The following HIVEP2 variants were observed in gnomAD, a reference collection of about 807,000 sequenced individuals.
HIVEP2 encodes transcription factor HIVEP2.
In HIVEP2, 14 loss-of-function variants were observed where a neutral mutation model predicts 180.7. The ratio of observed to expected loss-of-function variants is 0.08; its 90% confidence interval spans 0.05 to 0.12. The LOEUF is 0.12. HIVEP2 is among the 10% of genes least tolerant of loss of function. The pLI is 1.00. For synonymous variants in HIVEP2, 1,184 were observed against 1,136.4 expected (o/e 1.04, Z -0.84); for missense variants, 2,579 against 3,008.5 (o/e 0.86, Z 3.34).
chr6:142,827,850 C>A (rs775518549), intron 2 of HIVEP2, among the ~76,000 whole-genome samples: 2 of 152,162 alleles, frequency 1.3e-5, no homozygotes, highest in African/African-American at 2.4e-5. Context: ...TAAGACCAAC[C>A]CAAGCATAAA....
intron 7 of HIVEP2, 120 bp from the exon 8 acceptor site, chr6:142,761,685 G>A: frequency 1.4e-6 from 1 of 701,746 alleles, no homozygotes; most frequent in East Asian, 2.6e-5. Flanking sequence ...ATGTAACACA[G>A]ATTTGTTTCT....
intron 1 of HIVEP2, among the ~76,000 whole-genome samples, chr6:142,853,575 C>G (rs1183565579): frequency 2.0e-5 from 3 of 152,270 alleles, no homozygotes; most frequent in Admixed American, 2.0e-4. Context: ...GTAATAAGAG[C>G]AACATAGAAC....
At chr6:142,940,115 A>G (rs1025099546) in intron 1 of HIVEP2, among the ~76,000 whole-genome samples, 5 of 152,222 alleles carry the variant, frequency 3.3e-5, no homozygotes, top group Non-Finnish European at 7.3e-5. Flanking sequence ...GTTTGAAAAT[A>G]TATAGATCTA....
At chr6:142,792,267 G>A (rs985369772) in intron 2 of HIVEP2, among the ~76,000 whole-genome samples, 3 of 152,098 alleles carry the variant, frequency 2.0e-5, no homozygotes, top group African/African-American at 7.2e-5. Context: ...GCCTGAAAAA[G>A]AATAAAGATT....
Position 142,753,305 on chromosome 6 carries a change from A to G in HIVEP2, c.7143T>C (p.Cys2381=). The change falls in exon 10 of 10, where the codon TGT becomes TGC. Residue 2381 remains cysteine, a synonymous_variant. Coordinates refer to ENST00000367603, the MANE Select transcript of HIVEP2 (RefSeq NM_006734.4). ...GCAAGTCAGGGTGGGTGGCTGAGGT[A>G]CAGGGCTGACCTGGCTCAGGTCTAC... is the stretch of plus-strand genomic sequence containing the variant. ...HFSRPEPGQP[C]TSATHPDLHD... is the part of the protein sequence containing the mutation. 6.2e-7 allele frequency: 1 copy of G among 1,614,186 alleles called. No homozygotes were observed. Among genetic ancestry groups the G allele is most frequent in the Non-Finnish European group, 8.5e-7 (1 of 1,180,034 alleles).
chr6:142,940,557 A>G (rs1013031558), intron 1 of HIVEP2, among the ~76,000 whole-genome samples: 1 of 152,162 alleles, frequency 6.6e-6, no homozygotes, highest in African/African-American at 2.4e-5. Context: ...AGGTTGGATA[A>G]TCATTCCTGT....
chr6:142,804,004 G>C (rs1011286793), intron 2 of HIVEP2, among the ~76,000 whole-genome samples: 7 of 152,114 alleles, frequency 4.6e-5, no homozygotes, highest in Non-Finnish European at 8.8e-5. Context: ...TTTATCACCT[G>C]TTTTCACAAT....
intron 1 of HIVEP2, among the ~76,000 whole-genome samples, chr6:142,867,769 C>G (rs950352027): frequency 6.6e-6 from 1 of 152,168 alleles, no homozygotes; most frequent in African/African-American, 2.4e-5. Flanking sequence ...CTTTCAGTAA[C>G]TAACGCATTA....
intron 1 of HIVEP2, among the ~76,000 whole-genome samples, chr6:142,853,729 A>G (rs1027287700): frequency 6.6e-6 from 1 of 152,232 alleles, no homozygotes; most frequent in African/African-American, 2.4e-5. Flanking sequence ...AAGAATAGCA[A>G]GACACAGATG....
At position 142,769,582 on chromosome 6, in the gene HIVEP2, T is replaced by C. The variant is rs759968960; in HGVS notation, c.5157A>G (p.Thr1719=). 1.2e-6 allele frequency: 2 copies of C among 1,614,192 alleles called. No homozygotes were observed. The highest frequency in any genetic ancestry group is 1.1e-5 in the South Asian group (1 of 91,074). The part of the protein sequence containing the change: ...AMHRPGTGKL[T]SSSAWKQFTQ... ...TAAACTGCTTCCAAGCACTTGATGA[T>C]GTAAGCTTGCCGGTTCCAGGCCTAT... is the stretch of plus-strand genomic sequence containing the variant. The change falls in exon 5 of 10, where the codon ACA becomes ACG. Residue 1719 remains threonine (T), a synonymous_variant. Transcript: ENST00000367603.
chr6:142,774,345 A>T lies in HIVEP2; in HGVS notation c.394T>A (p.Ser132Thr). ...GGAAATAAGTCCTCAGAGGCAACGG[A>T]TGGCAAAGGGCCAGGGAAAAGCCAC... The part of the protein sequence containing the change: ...PPWLFPGPLP[S>T]VASEDLFPFP... The change falls in exon 5 of 10, where the codon TCC (serine) becomes ACC (threonine). Residue 132 changes from serine to threonine, a missense_variant. Coordinates refer to ENST00000367603, the MANE Select transcript of HIVEP2 (RefSeq NM_006734.4). This position sits in a 1 kb window ranked among gnomAD's most constrained non-coding sequence, Gnocchi z 5.1. 6.2e-7 allele frequency: 1 copy of T among 1,614,226 alleles called. No individual in the cohort carries two copies. Among genetic ancestry groups the T allele is most frequent in the Non-Finnish European group, 8.5e-7 (1 of 1,180,038 alleles).
At chr6:142,843,513 G>T (rs1291034130) in intron 1 of HIVEP2, among the ~76,000 whole-genome samples, 1 of 152,188 alleles carries the variant, frequency 6.6e-6, no homozygotes, top group East Asian at 1.9e-4. Flanking sequence ...GTTAAGGGAA[G>T]GGGTGGATGT....
intron 1 of HIVEP2, among the ~76,000 whole-genome samples, chr6:142,910,070 C>G (rs888818526): frequency 1.6e-4 from 25 of 152,322 alleles, no homozygotes; most frequent in Admixed American, 1.3e-3. Context: ...TAATCTCTAG[C>G]CAATCAGATC....
At chr6:142,794,599 G>A (rs2114736268) in intron 2 of HIVEP2, among the ~76,000 whole-genome samples, 1 of 152,254 alleles carries the variant, frequency 6.6e-6, no homozygotes, top group South Asian at 2.1e-4. Context: ...GAAATAATAT[G>A]GTCAAATTAT....
intron 1 of HIVEP2, among the ~76,000 whole-genome samples, chr6:142,887,376 A>C (rs895946547): frequency 9.2e-5 from 14 of 152,186 alleles, no homozygotes; most frequent in African/African-American, 3.4e-4. Flanking sequence ...AATTTTACAA[A>C]AGGATAGTTC....
intron 1 of HIVEP2, among the ~76,000 whole-genome samples, chr6:142,882,235 T>C (rs1039044940): frequency 6.6e-6 from 1 of 152,182 alleles, no homozygotes; most frequent in Non-Finnish European, 1.5e-5. Flanking sequence ...TATGAAACAT[T>C]TTAAAACTTG....
At chr6:142,784,203 T>A (rs1225012796) in intron 2 of HIVEP2, among the ~76,000 whole-genome samples, 1 of 152,152 alleles carries the variant, frequency 6.6e-6, no homozygotes, top group African/African-American at 2.4e-5. Context: ...AACTACCTAA[T>A]CTGAATAGAT....
At chr6:142,910,012 C>T (rs9403421) in intron 1 of HIVEP2, among the ~76,000 whole-genome samples, 10,845 of 152,278 alleles carry the variant, frequency 0.071, 492 homozygotes, top group East Asian at 0.17. Context: ...TTGCAGTCAA[C>T]ATGCCATCCT....
At chr6:142,895,268 G>A (rs1776958172) in intron 1 of HIVEP2, among the ~76,000 whole-genome samples, 1 of 151,240 alleles carries the variant, frequency 6.6e-6, no homozygotes, top group Admixed American at 6.6e-5. Flanking sequence ...CTGAAATTTT[G>A]GTTTTTTTTA....
Sources: allele counts gnomAD v4.1 joint callset (sites outside exome capture counted in the v4.1 genomes callset), GRCh38; gene constraint gnomAD v4.1.1; non-coding constraint Gnocchi (gnomAD v3.1); transcripts MANE v1.5; gene names NCBI Gene and HGNC (gene_info 2026-07-23, HGNC 2026-07-21).